Variants in HHLA2 observed in about 807,000 individuals in gnomAD.
HHLA2 encodes HERV-H LTR-associating protein 2.
A neutral mutation model predicts 45.9 loss-of-function variants in HHLA2; 48 were observed. That is an observed-to-expected ratio of 1.05 (90% CI 0.83 to 1.33). The LOEUF (loss-of-function observed/expected upper bound fraction) is 1.33, where lower values mean the gene tolerates loss of function less well. HHLA2 is among the 40% of genes most tolerant of loss of function. HHLA2 has a pLI of 0.00. For synonymous variants in HHLA2, 161 were observed against 173.9 expected (o/e 0.93, Z 0.59); for missense variants, 462 against 494.3 (o/e 0.93, Z 0.62).
chr3:108,332,022 G>A (rs375415392), intron 3 of HHLA2, among the ~76,000 whole-genome samples: 3 of 152,104 alleles, frequency 2.0e-5, no homozygotes, highest in African/African-American at 2.4e-5. Flanking sequence ...CATGAAAGAC[G>A]TGGCATTTCT....
At chr3:108,348,945 T>C (rs1423912591) in intron 3 of HHLA2, among the ~76,000 whole-genome samples, 1 of 152,190 alleles carries the variant, frequency 6.6e-6, no homozygotes, top group Non-Finnish European at 1.5e-5. Context: ...GCTTCATCCA[T>C]GTCCCTGCAA....
chr3:108,364,759 C>G (rs1455422190), intron 8 of HHLA2, among the ~76,000 whole-genome samples: 1 of 152,036 alleles, frequency 6.6e-6, no homozygotes, highest in African/African-American at 2.4e-5. Flanking sequence ...ATGAGGTGCT[C>G]TTTTTCATAT....
intron 3 of HHLA2, among the ~76,000 whole-genome samples, chr3:108,333,613 A>C (rs1411896756): frequency 6.6e-6 from 1 of 151,986 alleles, no homozygotes; most frequent in Non-Finnish European, 1.5e-5. Flanking sequence ...AAAAAAAAAA[A>C]AAAAAAAAAT....
At chr3:108,321,198 T>A (rs1264251358) in intron 2 of HHLA2, among the ~76,000 whole-genome samples, 1 of 151,296 alleles carries the variant, frequency 6.6e-6, no homozygotes, top group Admixed American at 6.6e-5. Flanking sequence ...TGGTCCAGAT[T>A]CCAGCTAGCA....
chr3:108,306,613 C>G (rs1297066186), intron 1 of HHLA2, among the ~76,000 whole-genome samples: 1 of 152,144 alleles, frequency 6.6e-6, no homozygotes, highest in Non-Finnish European at 1.5e-5. Flanking sequence ...GAAAGATTCT[C>G]AGAAAACTGT....
Position 108,321,091 on chromosome 3 carries a change from TA to T in HHLA2, c.-104-7158del, listed in dbSNP as rs67374827. On this transcript the variant is annotated intron_variant, in intron 2 of 10. Transcript: ENST00000619531. ...TCACCAGAACATTTCTCCAGGTGTT[TA>T]AAAAAAAAAAAAAAAAAAAAGACTG... Among the ~76,000 whole-genome samples, 86 of 101,414 alleles carry T rather than the reference TA, an allele frequency of 8.5e-4. 2 individuals carry two copies. Among genetic ancestry groups the T allele is most frequent in the South Asian group, 4.2e-3 (11 of 2,644 alleles). The allele number at this position is 101,414 out of a possible 152,430, so 66.5% of individuals were successfully genotyped here.
intron 2 of HHLA2, among the ~76,000 whole-genome samples, chr3:108,318,097 C>T (rs965593927): frequency 3.3e-5 from 5 of 151,412 alleles, no homozygotes; most frequent in Admixed American, 2.6e-4. Context: ...AGGAGAATCA[C>T]TTGAACCAAG....
At chr3:108,315,637 T>TC (rs1190530358) in intron 2 of HHLA2, among the ~76,000 whole-genome samples, 2 of 152,174 alleles carry the variant, frequency 1.3e-5, no homozygotes, top group African/African-American at 4.8e-5. Flanking sequence ...GAGAATAGAG[T>TC]CGTGATGCTT....
intron 2 of HHLA2, chr3:108,326,493 C>A (rs1220627719): frequency 6.6e-6 from 1 of 152,190 alleles, no homozygotes; most frequent in East Asian, 1.9e-4. Context: ...CCCCATGAAT[C>A]AATTATCTCC....
intron 7 of HHLA2, 127 bp from the exon 7 acceptor site, chr3:108,362,215 T>G (rs1437874521): frequency 1.5e-6 from 1 of 671,572 alleles, no homozygotes; most frequent in African/African-American, 1.8e-5. Flanking sequence ...TTCAGCCTCC[T>G]ACCTGTAATG....
chr3:108,328,741 G>A (rs1043259825), intron 3 of HHLA2, among the ~76,000 whole-genome samples: 3 of 151,742 alleles, frequency 2.0e-5, no homozygotes, highest in Non-Finnish European at 4.4e-5. Flanking sequence ...CATTATCTAT[G>A]TGCTACTTTG....
At chr3:108,310,736 G>C (rs1300027043) in exon 2 of HHLA2, 1 of 152,560 alleles carries the variant, frequency 6.6e-6, no homozygotes, top group Non-Finnish European at 1.5e-5. Flanking sequence ...TGGATTTGGG[G>C]AAGAGGTGAG....
At chr3:108,377,594 A>G in exon 11 of HHLA2, 1 of 260,584 alleles carries the variant, frequency 3.8e-6, no homozygotes, top group Admixed American at 5.1e-5. Flanking sequence ...TGAGCTCTCC[A>G]CTAAGAATCT....
chr3:108,333,644 C>T (rs2081424661), intron 3 of HHLA2, among the ~76,000 whole-genome samples: 4 of 149,426 alleles, frequency 2.7e-5, no homozygotes, highest in Admixed American at 1.3e-4. Flanking sequence ...TCAGCACATA[C>T]ATGCCTCAGA....
rs73205956 is a variant in HHLA2 at position 108,363,975 on chromosome 3, C to G, written c.1108+1529C>G. Among the ~76,000 whole-genome samples the G allele has an allele frequency of 5.7e-5, 3 of 52,656 alleles. No homozygotes were observed. The East Asian group carries it at 6.6e-4, about 12-fold the overall frequency. 34.5% of individuals were successfully genotyped at this position (52,656 alleles called of 152,430 possible). ...GCCTTGTAAGGAGAGTGACTTACTT[C>G]TTTTTTTTTTTTTCTTTCTTTTTAA... On this transcript the variant is annotated intron_variant, in intron 8 of 10. Transcript: ENST00000619531.
rs1258051420 is a variant in HHLA2 at position 108,353,575 on chromosome 3, TCA to T, written c.216_217del (p.His72GlnfsTer7). On this transcript the variant is annotated frameshift_variant, in exon 5 of 11. Transcript: ENST00000619531. LOFTEE classifies it high-confidence loss of function. The stretch of plus-strand genomic sequence containing the variant: ...GGAAGTATCAAGATAGCTATAAGGT[TCA>T]CAGTTACTACAAAGGCAGTGACCAT... 6.2e-7 allele frequency: 1 copy of T among 1,613,706 alleles called. No homozygotes were observed. The highest frequency in any genetic ancestry group is 8.5e-7 in the Non-Finnish European group (1 of 1,179,776).
At chr3:108,323,044 TTTTG>T (rs112444005) in intron 2 of HHLA2, among the ~76,000 whole-genome samples, 10 of 151,446 alleles carry the variant, frequency 6.6e-5, no homozygotes, top group East Asian at 1.9e-4. Flanking sequence ...TTGCTGACTT[TTTTG>T]TTTGTTTGTT....
intron 8 of HHLA2, among the ~76,000 whole-genome samples, chr3:108,374,951 A>T (rs2082246283): frequency 6.7e-6 from 1 of 148,976 alleles, no homozygotes; most frequent in Non-Finnish European, 1.5e-5. Context: ...AACTAGAAAT[A>T]CCATTTGACC....
At chr3:108,377,562 C>G (rs1342886413) in exon 11 of HHLA2, 8 of 377,996 alleles carry the variant, frequency 2.1e-5, no homozygotes, top group Admixed American at 4.1e-5. Flanking sequence ...ATTTCTGTTA[C>G]AGTCAGCCCA....
Sources: gnomAD v4.1 joint callset for allele counts (sites outside exome capture counted in the v4.1 genomes callset) on GRCh38, gnomAD v4.1.1 for gene constraint, MANE v1.5 for transcripts, NCBI Gene and HGNC (gene_info 2026-07-23, HGNC 2026-07-21) for gene names.